TENM2: variants seen among roughly 807,000 people sequenced by gnomAD.
TENM2 encodes teneurin-2.
A neutral mutation model predicts 245.2 loss-of-function variants in TENM2; 52 were observed. The observed-to-expected ratio is 0.21, with a 90% CI of 0.17 to 0.27. The LOEUF is 0.27. TENM2 is among the 10% of genes least tolerant of loss of function. The pLI, the probability that TENM2 is intolerant of heterozygous loss-of-function variation, is 1.00. For missense variants in TENM2, 3,046 were observed against 3,666.8 expected (o/e 0.83, Z 4.37); for synonymous variants, 1,363 against 1,438.9 (o/e 0.95, Z 1.19).
chr5:167,326,639 C>T (rs1469505361), intron 1 of TENM2, among the ~76,000 whole-genome samples: 2 of 151,008 alleles, frequency 1.3e-5, no homozygotes, highest in African/African-American at 4.9e-5. Flanking sequence ...TGCCACTGCA[C>T]TCCAGTCTGG....
chr5:168,162,801 T>G (rs368449110), intron 13 of TENM2, 44 bp downstream of exon 15: 3 of 1,594,926 alleles, frequency 1.9e-6, no homozygotes, highest in Non-Finnish European at 2.6e-6. Context: ...GAGCAGAGCG[T>G]TGTCCATGCT....
rs1023015226 is a variant in TENM2 at position 167,838,389 on chromosome 5, T to A, written c.503-37597T>A. Among the ~76,000 whole-genome samples the A allele has an allele frequency of 2.6e-5, 4 of 152,226 alleles. No individual in the cohort carries two copies. In the East Asian group the frequency reaches 7.7e-4, roughly 29 times the overall value. ...TTGAAAACTGTCAGTACTATTTGTA[T>A]GAATGCGTTCAAAGTGGCCATGTTT... On this transcript the variant is annotated intron_variant, in intron 2 of 28. Coordinates refer to ENST00000518659, the Ensembl canonical transcript of TENM2.
chr5:168,032,476 C>T (rs1227005975), intron 5 of TENM2, among the ~76,000 whole-genome samples: 2 of 152,064 alleles, frequency 1.3e-5, no homozygotes, highest in Non-Finnish European at 2.9e-5. Flanking sequence ...GCAAGTAGGG[C>T]AGGGGAGGAG....
At chr5:167,639,126 G>C (rs1174768627) in intron 2 of TENM2, among the ~76,000 whole-genome samples, 1 of 152,168 alleles carries the variant, frequency 6.6e-6, no homozygotes, top group Non-Finnish European at 1.5e-5. Flanking sequence ...GAGTTTGTTA[G>C]TAATTTCCAT....
At chr5:168,166,324 C>T (rs1216849208) in intron 13 of TENM2, among the ~76,000 whole-genome samples, 1 of 152,130 alleles carries the variant, frequency 6.6e-6, no homozygotes, top group Non-Finnish European at 1.5e-5. Flanking sequence ...AGACAAATCA[C>T]TTTTCCATCT....
intron 2 of TENM2, among the ~76,000 whole-genome samples, chr5:167,752,123 C>A (rs1761996569): frequency 6.6e-6 from 1 of 151,948 alleles, no homozygotes; most frequent in African/African-American, 2.4e-5. Context: ...CAGATGGAGT[C>A]TCACTCTGTC....
chr5:167,550,945 T>C (rs1651494002), intron 2 of TENM2, among the ~76,000 whole-genome samples: 1 of 152,038 alleles, frequency 6.6e-6, no homozygotes, highest in South Asian at 2.1e-4. Flanking sequence ...GCCATGCTGG[T>C]CTTGAACTCT....
At chr5:167,150,826 A>G in the TENM2 span, among the ~76,000 whole-genome samples, 1 of 152,226 alleles carries the variant, frequency 6.6e-6, no homozygotes, top group African/African-American at 2.4e-5. Flanking sequence ...TGCAGCAAGC[A>G]CAATTATGTT....
At chr5:168,117,988 G>A (rs1795200276) in intron 9 of TENM2, among the ~76,000 whole-genome samples, 1 of 152,182 alleles carries the variant, frequency 6.6e-6, no homozygotes, top group African/African-American at 2.4e-5. Flanking sequence ...TGCAAAAATG[G>A]GGACCATGAC....
chr5:167,144,622 A>C, the TENM2 span, among the ~76,000 whole-genome samples: 1 of 152,156 alleles, frequency 6.6e-6, no homozygotes, highest in Admixed American at 6.6e-5. Flanking sequence ...AAGCGGCAGG[A>C]TCCATTAGGA....
At chr5:168,079,878 G>T (rs1205964274) in intron 7 of TENM2, among the ~76,000 whole-genome samples, 1 of 152,166 alleles carries the variant, frequency 6.6e-6, no homozygotes, top group Non-Finnish European at 1.5e-5. Context: ...CAGGGATGTT[G>T]GTCTAAAATT....
At chr5:167,357,556 G>A (rs934977916) in intron 1 of TENM2, among the ~76,000 whole-genome samples, 3 of 151,974 alleles carry the variant, frequency 2.0e-5, no homozygotes, top group Admixed American at 6.6e-5. Flanking sequence ...CACTTTGCCC[G>A]GCCGAGCCAT....
At chr5:167,216,056 T>A in the TENM2 span, among the ~76,000 whole-genome samples, 1 of 152,222 alleles carries the variant, frequency 6.6e-6, no homozygotes, top group Non-Finnish European at 1.5e-5. Context: ...TCATTATTCC[T>A]CACAGTAATC....
At chr5:168,204,374 A>G in exon 19 of TENM2, 1 of 1,613,148 alleles carries the variant, frequency 6.2e-7, no homozygotes. Context: ...CCCCACAGGA[A>G]TCCTACACAA....
chr5:168,118,926 A>T (rs1795280704), intron 10 of TENM2, among the ~76,000 whole-genome samples: 1 of 152,188 alleles, frequency 6.6e-6, no homozygotes, highest in South Asian at 2.1e-4. Flanking sequence ...GAGAAAAGAA[A>T]CAAGAATTCC....
At chr5:167,652,319 AG>A (rs1167582021) in intron 2 of TENM2, among the ~76,000 whole-genome samples, 2 of 152,210 alleles carry the variant, frequency 1.3e-5, no homozygotes, top group African/African-American at 4.8e-5. Context: ...TACTATATTT[AG>A]CATAAAATCC....
intron 2 of TENM2, among the ~76,000 whole-genome samples, chr5:167,413,729 T>C (rs964006361): frequency 6.6e-6 from 1 of 152,166 alleles, no homozygotes; most frequent in Non-Finnish European, 1.5e-5. Context: ...TTTCAGTACG[T>C]GGTTAATATA....
chr5:167,425,419 T>C, intron 2 of TENM2, among the ~76,000 whole-genome samples: 1 of 152,186 alleles, frequency 6.6e-6, no homozygotes, highest in East Asian at 1.9e-4. Flanking sequence ...GGAGATTAAA[T>C]GAGTTTGGGA....
intron 4 of TENM2, among the ~76,000 whole-genome samples, chr5:167,972,841 C>A (rs992140150): frequency 3.3e-5 from 5 of 152,040 alleles, no homozygotes; most frequent in African/African-American, 7.3e-5. Flanking sequence ...AATGCCAATA[C>A]CTCTTCTTAA....
Sources: gnomAD v4.1 joint callset for allele counts (sites outside exome capture counted in the v4.1 genomes callset) on GRCh38, gnomAD v4.1.1 for gene constraint, MANE v1.5 for transcripts, NCBI Gene and HGNC (gene_info 2026-07-23, HGNC 2026-07-21) for gene names.